Variants in CTNNA3 observed in about 807,000 individuals in gnomAD.
CTNNA3 encodes the protein catenin alpha-3.
In CTNNA3, 76 loss-of-function variants were observed where a neutral mutation model predicts 95.7. The observed-to-expected ratio is 0.79, with a 90% CI of 0.66 to 0.96. The LOEUF (loss-of-function observed/expected upper bound fraction) is 0.96, where lower values mean the gene tolerates loss of function less well. Among genes scored for constraint, CTNNA3 ranks in the 40% least tolerant of loss-of-function variants. The pLI is 0.00. For synonymous variants in CTNNA3, 431 were observed against 374.4 expected (o/e 1.15, Z -1.74); for missense variants, 1,191 against 1,089.8 (o/e 1.09, Z -1.31).
intron 14 of CTNNA3, among the ~76,000 whole-genome samples, chr10:66,081,102 T>A (rs2080743102): frequency 6.6e-6 from 1 of 152,274 alleles, no homozygotes; most frequent in South Asian, 2.1e-4. Flanking sequence ...TAAGGCTTTC[T>A]TGGTCAGAAG....
At chr10:66,952,269 C>T (rs1848575287) in intron 7 of CTNNA3, among the ~76,000 whole-genome samples, 1 of 152,088 alleles carries the variant, frequency 6.6e-6, no homozygotes, top group African/African-American at 2.4e-5. Flanking sequence ...ACAGAGCTTC[C>T]CAGATGCATA....
At chr10:66,902,593 G>A (rs1353165847) in intron 7 of CTNNA3, among the ~76,000 whole-genome samples, 2 of 152,144 alleles carry the variant, frequency 1.3e-5, no homozygotes, top group Admixed American at 6.5e-5. Flanking sequence ...GAATCCAGGA[G>A]CTGGTTTTTT....
At chr10:67,657,847 C>CAAAAAAA (rs200763142) in intron 1 of CTNNA3, among the ~76,000 whole-genome samples, 2 of 40,336 alleles carry the variant, frequency 5.0e-5, no homozygotes, top group Admixed American at 2.3e-4. Flanking sequence ...AATTCCATCT[C>CAAAAAAA]AAAAAAAAAA....
intron 10 of CTNNA3, among the ~76,000 whole-genome samples, chr10:66,579,354 T>C (rs868218490): frequency 3.3e-5 from 5 of 151,856 alleles, no homozygotes; most frequent in Admixed American, 1.3e-4. Context: ...TAGTATTTGC[T>C]TGGGCAGTAC....
chr10:67,717,718 T>C (rs931770415), intron 1 of CTNNA3, among the ~76,000 whole-genome samples: 2 of 152,192 alleles, frequency 1.3e-5, no homozygotes, highest in African/African-American at 4.8e-5. Flanking sequence ...TTGGTTACTG[T>C]AGCCTTGTAG....
intron 7 of CTNNA3, among the ~76,000 whole-genome samples, chr10:67,144,603 T>C (rs1160670775): frequency 6.6e-6 from 1 of 152,224 alleles, no homozygotes; most frequent in African/African-American, 2.4e-5. Context: ...AGCTGACTTA[T>C]TTCCTTACAT....
chr10:67,755,819 A>AAAAAAAG (rs1554881122), intron 1 of CTNNA3, among the ~76,000 whole-genome samples: 4 of 145,152 alleles, frequency 2.8e-5, no homozygotes, highest in Non-Finnish European at 3.0e-5. Context: ...AAAAAAAAAA[A>AAAAAAAG]AAAGAAAGAA....
chr10:66,941,539 A>C (rs187026039), intron 7 of CTNNA3, among the ~76,000 whole-genome samples: 490 of 152,268 alleles, frequency 3.2e-3, no homozygotes, highest in Non-Finnish European at 4.6e-3. Context: ...AATCTGACAA[A>C]CAACCTGTCT....
rs1214082905 is a variant in CTNNA3, at chr10:66,447,034, GACAA to G, written c.1532-67686_1532-67683del. Among the ~76,000 whole-genome samples the G allele has an allele frequency of 7.7e-4, 116 of 151,460 alleles. 1 individual carries two copies. The highest frequency in any genetic ancestry group is 2.6e-4 in the Admixed American group (4 of 15,174). ...CAAGCATTCTTATACACCAATAACA[GACAA>G]ACAGAGAGCCAAATCATGAGTGAAC... On this transcript the variant is annotated intron_variant, in intron 11 of 17. Coordinates refer to ENST00000433211, the MANE Select transcript of CTNNA3 (RefSeq NM_013266.4).
rs1265828350 is a variant in CTNNA3, at chr10:65,919,240, A to G, written c.*1090T>C. 6.6e-6 allele frequency: 1 copy of G among 152,168 alleles called. No individual in the cohort carries two copies. Among genetic ancestry groups the G allele is most frequent in the Non-Finnish European group, 1.5e-5 (1 of 68,036 alleles). 9.4% of individuals were successfully genotyped at this position (152,168 alleles called of 1,614,324 possible). ...GAAGTCCATTATGAACTCAACTAGG[A>G]ATGAACACAGTGACTGGAGTTGTAA... On this transcript the variant is annotated 3_prime_UTR_variant, in exon 18 of 18. Transcript: ENST00000433211.
chr10:67,627,203 C>G (rs1268700305), intron 2 of CTNNA3, among the ~76,000 whole-genome samples: 1 of 152,188 alleles, frequency 6.6e-6, no homozygotes, highest in African/African-American at 2.4e-5. Context: ...AGCTCTGCCT[C>G]CTGGTCATGC....
At chr10:66,619,566 G>A (rs2132311038) in intron 10 of CTNNA3, among the ~76,000 whole-genome samples, 1 of 79,876 alleles carries the variant, frequency 1.3e-5, no homozygotes, top group East Asian at 4.7e-4. Context: ...CTGTTGTAGG[G>A]TGGGGGGAGG....
At chr10:66,040,518 C>T (rs1205157418) in intron 15 of CTNNA3, among the ~76,000 whole-genome samples, 1 of 151,678 alleles carries the variant, frequency 6.6e-6, no homozygotes, top group African/African-American at 2.4e-5. Context: ...AACTATGGTA[C>T]ATATACACCA....
intron 5 of CTNNA3, among the ~76,000 whole-genome samples, chr10:67,278,177 A>G (rs994351794): frequency 6.6e-6 from 1 of 152,178 alleles, no homozygotes; most frequent in Non-Finnish European, 1.5e-5. Context: ...AGATTTTTAC[A>G]GTAATTTGTT....
intron 1 of CTNNA3, among the ~76,000 whole-genome samples, chr10:67,669,179 A>G (rs562602459): frequency 6.6e-6 from 1 of 152,288 alleles, no homozygotes; most frequent in African/African-American, 2.4e-5. Flanking sequence ...AGCAGGTAAT[A>G]TTCACACCAA....
intron 7 of CTNNA3, among the ~76,000 whole-genome samples, chr10:67,169,433 C>A (rs572479199): frequency 2.6e-5 from 4 of 151,964 alleles, no homozygotes; most frequent in African/African-American, 4.8e-5. Flanking sequence ...AAAAAAGACA[C>A]GTAGACCAGT....
intron 5 of CTNNA3, among the ~76,000 whole-genome samples, chr10:67,279,190 C>G (rs146851964): frequency 6.6e-6 from 1 of 152,108 alleles, no homozygotes; most frequent in Non-Finnish European, 1.5e-5. Context: ...CTAAGCAACA[C>G]CAAGCCCTCA....
intron 1 of CTNNA3, among the ~76,000 whole-genome samples, chr10:67,735,127 G>GCGCA (rs1554880032): frequency 4.6e-5 from 5 of 108,358 alleles, no homozygotes; most frequent in African/African-American, 1.9e-4. Context: ...CAGCAAGTGA[G>GCGCA]CACACACACA....
chr10:67,724,345 A>G (rs2133621843), intron 1 of CTNNA3, among the ~76,000 whole-genome samples: 1 of 152,310 alleles, frequency 6.6e-6, no homozygotes, highest in Non-Finnish European at 1.5e-5. Flanking sequence ...GGTATATGGT[A>G]TCTCTCTAGA....
Sources: gnomAD v4.1 joint callset for allele counts (sites outside exome capture counted in the v4.1 genomes callset) on GRCh38, gnomAD v4.1.1 for gene constraint, MANE v1.5 for transcripts, NCBI Gene and HGNC (gene_info 2026-07-23, HGNC 2026-07-21) for gene names.